RIF1: variants seen among roughly 807,000 people sequenced by gnomAD.
RIF1 encodes the protein telomere-associated protein RIF1.
In RIF1, 45 loss-of-function variants were observed where a neutral mutation model predicts 247.1. The ratio of observed to expected loss-of-function variants is 0.18; its 90% CI spans 0.14 to 0.23. The LOEUF (loss-of-function observed/expected upper bound fraction) is 0.23. RIF1 is among the 10% of genes least tolerant of loss of function. RIF1 has a pLI of 1.00. For missense variants in RIF1, 2,967 were observed against 2,862.5 expected (o/e 1.04, Z -0.83); for synonymous variants, 1,087 against 978.8 (o/e 1.11, Z -2.06).
At chr2:151,428,978 G>A in intron 9 of RIF1, 56 bp downstream of exon 9, 1 of 1,130,672 alleles carries the variant, frequency 8.8e-7, no homozygotes, top group Non-Finnish European at 1.3e-6. Context: ...CTTAAAGCAA[G>A]ATAAATGAAG....
At position 151,463,291 on chromosome 2, in the gene RIF1, T is replaced by G. The variant is rs1474704333; in HGVS notation, c.3771T>G (p.Ile1257Met). 2 of 1,612,732 alleles carry G rather than the reference T, an allele frequency of 1.2e-6. No homozygotes were observed. The highest frequency in any genetic ancestry group is 1.7e-6 in the Non-Finnish European group (2 of 1,179,680). ...VTVKNNQETM[I>M]KTDFLPKAKQ... ...TGAAAAATAACCAGGAAACCATGAT[T>G]AAAACAGATTTTCTACCAAAAGCAA... Residue 1257 changes from isoleucine (I) to methionine (M), a missense_variant, in exon 30 of 36, where the codon ATT becomes ATG. Ile to Met is a conservative substitution (Grantham distance 10). This residue lies in a region of RIF1 where 2,028 missense variants were observed against 1,825.6 expected (regional missense o/e 1.11). Transcript: ENST00000444746.
intron 24 of RIF1, among the ~76,000 whole-genome samples, 178 bp downstream of exon 24, chr2:151,458,141 C>G (rs1213765022): frequency 6.6e-6 from 1 of 150,958 alleles, no homozygotes; most frequent in African/African-American, 2.4e-5. Context: ...TTCATTGGTG[C>G]TTAGAATAAT....
chr2:151,424,126 G>A (rs188641667), intron 8 of RIF1, among the ~76,000 whole-genome samples: 4 of 152,188 alleles, frequency 2.6e-5, no homozygotes, highest in South Asian at 2.1e-4. Context: ...TCTCTGAGAC[G>A]GAGTTTCGCT....
intron 12 of RIF1, among the ~76,000 whole-genome samples, chr2:151,504,083 T>C (rs1345329857): frequency 1.3e-5 from 2 of 152,170 alleles, no homozygotes; most frequent in African/African-American, 4.8e-5. Context: ...TGCATTTTAA[T>C]GAAAACATTA....
intron 9 of RIF1, chr2:151,491,233 C>G (rs761563614): frequency 1.3e-5 from 2 of 157,786 alleles, no homozygotes; most frequent in East Asian, 3.7e-4. Context: ...GGGTCTCATT[C>G]TCTTTTCCAG....
rs2049120768 is a variant in RIF1, at chr2:151,480,486, A to G, written c.*5415A>G. 6.6e-6 allele frequency: 1 copy of G among 152,192 alleles called. No homozygotes were observed. The highest frequency in any genetic ancestry group is 1.5e-5 in the Non-Finnish European group (1 of 68,010). 9.4% of individuals were successfully genotyped at this position (152,192 alleles called of 1,614,324 possible). A position where few individuals can be genotyped will look rare whatever the true frequency, so the allele number is the denominator to read the frequency against. On this transcript the variant is annotated 3_prime_UTR_variant, in exon 36 of 36. Coordinates refer to ENST00000444746, the MANE Select transcript of RIF1 (RefSeq NM_018151.5). ...CCTGTATACTTCAGAAATAGCTGAT[A>G]GCCTATAGTCTCTGAGAGCTATTCT... is the stretch of plus-strand genomic sequence containing the variant.
rs1479361319 is a variant in RIF1 at position 151,436,931 on chromosome 2, A to G, written c.1300A>G (p.Met434Val). Residue 434 changes from methionine to valine, a missense_variant, in exon 12 of 36, where the codon ATG becomes GTG. By Grantham distance (21) the Met-to-Val change is conservative. This residue lies in a region of RIF1 where 369 missense variants were observed against 322.0 expected (regional missense o/e 1.15). Coordinates refer to ENST00000444746, the MANE Select transcript of RIF1 (RefSeq NM_018151.5). ...IPSIQLLGLE[M>V]LLHFLLGPEA... Reference sequence around the variant, plus strand: ...ATCCATTCAACTTTTGGGACTTGAAATGTTGCTTCATTTCTTGTTGGGTCC... The same window carrying G: ...ATCCATTCAACTTTTGGGACTTGAAGTGTTGCTTCATTTCTTGTTGGGTCC... The G allele has an allele frequency of 1.2e-6, 2 of 1,614,090 alleles. No homozygotes were observed. Among genetic ancestry groups the G allele is most frequent in the East Asian group, 2.2e-5 (1 of 44,874 alleles).
chr2:151,413,406 T>C lies in RIF1; in HGVS notation c.184-1417T>C, dbSNP rs117290998. ...TATTTGGATGCACATGGAAGGTTGATAATAGGACAATAAGCAATTTTAAGC... is the reference window on the plus strand; with the variant it reads ...TATTTGGATGCACATGGAAGGTTGACAATAGGACAATAAGCAATTTTAAGC... On this transcript the variant is annotated intron_variant, in intron 3 of 35. Transcript: ENST00000444746. Among the ~76,000 whole-genome samples the C allele has an allele frequency of 2.3e-3, 350 of 152,306 alleles. 9 individuals are homozygous for C. In the East Asian group the frequency reaches 0.046, roughly 20 times the overall value.
intron 21 of RIF1, 63 bp downstream of exon 21, chr2:151,451,768 A>G (rs897630227): frequency 1.1e-5 from 9 of 856,318 alleles, no homozygotes; most frequent in African/African-American, 1.0e-4. Flanking sequence ...GAACTTTGCC[A>G]GGGGAAGTCC....
chr2:151,516,101 A>G, the RIF1 span, among the ~76,000 whole-genome samples: 1 of 152,208 alleles, frequency 6.6e-6, no homozygotes, highest in Non-Finnish European at 1.5e-5. Flanking sequence ...GGGGCATTCT[A>G]CTAAGAGTAG....
chr2:151,515,280 G>A, the RIF1 span, among the ~76,000 whole-genome samples: 2,210 of 152,264 alleles, frequency 0.015, 76 homozygotes, highest in East Asian at 0.14. Context: ...GGTGACAAAA[G>A]ACTTTATTTC....
At position 151,474,847 on chromosome 2, in the gene RIF1, T is replaced by G; in HGVS notation, c.7205-10T>G. The G allele has an allele frequency of 7.0e-7, 1 of 1,426,354 alleles. No individual in the cohort carries two copies. The highest frequency in any genetic ancestry group is 9.8e-7 in the Non-Finnish European group (1 of 1,022,946). 88.4% of individuals were successfully genotyped at this position (1,426,354 alleles called of 1,614,324 possible). On this transcript the variant is annotated splice_polypyrimidine_tract_variant and intron_variant, in intron 35 of 35. Transcript: ENST00000444746. ...ATAGATTTAATTGTGGTTTTTTTTT[T>G]CTCTTTTAGATATAATTGATCCTGT...
In RIF1 at chr2:151,418,428, C is replaced by G. The variant is rs978823096; in HGVS notation, c.503+1527C>G. ...CCACGTTGGCCAGTCTGGAGTTGAA[C>G]TCCTGACCTCAGGTGGTGCACCCAC... On this transcript the variant is annotated intron_variant, in intron 6 of 35. Coordinates refer to ENST00000444746, the MANE Select transcript of RIF1 (RefSeq NM_018151.5). Among the ~76,000 whole-genome samples the G allele has an allele frequency of 2.7e-5, 4 of 150,934 alleles. No homozygotes were observed. In the Admixed American group the frequency reaches 2.7e-4, roughly 10 times the overall value.
Position 151,497,281 on chromosome 2 carries a change from A to ATTTTAT in RIF1, c.*513+1959_*513+1960insATTTTT. The ATTTTAT allele has an allele frequency of 4.0e-6, 3 of 752,376 alleles. No homozygotes were observed. The African/African-American group carries it at 5.8e-5, about 15-fold the overall frequency. The allele number at this position is 752,376 out of a possible 1,614,324, so 46.6% of individuals were successfully genotyped here. ...AAAGGCTGTCAGAGTTATCCATGTT[A>ATTTTAT]TTTTTTTTTTTCCTTTTTTGTGAGT... On this transcript the variant is annotated intron_variant and NMD_transcript_variant, in intron 10 of 13. Coordinates refer to the RIF1 transcript ENST00000454583.
At chr2:151,440,188 A>C in intron 15 of RIF1, 61 bp downstream of exon 15, 1 of 912,886 alleles carries the variant, frequency 1.1e-6, no homozygotes, top group Non-Finnish European at 1.7e-6. Context: ...AATTTTATAT[A>C]GAAGATATTT....
chr2:151,523,952 T>C, the RIF1 span, among the ~76,000 whole-genome samples: 1 of 152,326 alleles, frequency 6.6e-6, no homozygotes, highest in East Asian at 1.9e-4. Context: ...GCTCTTCATG[T>C]TAAATCTATC....
In RIF1 at chr2:151,416,798, G is replaced by T. The variant is rs749024623; in HGVS notation, c.409-9G>T. On this transcript the variant is annotated splice_polypyrimidine_tract_variant and intron_variant, in intron 5 of 35. Transcript: ENST00000444746. ...TATTTCATTTGTATTTATTTGGTTC[G>T]TTTTTTAGGTATCCAGTATAATTGA... is the stretch of plus-strand genomic sequence containing the variant. 1 of 1,605,210 alleles carries T rather than the reference G, an allele frequency of 6.2e-7. No homozygotes were observed. The highest frequency in any genetic ancestry group is 8.5e-7 in the Non-Finnish European group (1 of 1,175,452).
chr2:151,483,210 T>C (rs959005252), downstream of RIF1: 1 of 152,156 alleles, frequency 6.6e-6, no homozygotes, highest in Non-Finnish European at 1.5e-5. Context: ...TTCTTGAAGA[T>C]GGCTCTTTGC....
chr2:151,474,586 G>T (rs551341899), intron 35 of RIF1, among the ~76,000 whole-genome samples: 7 of 152,290 alleles, frequency 4.6e-5, no homozygotes, highest in African/African-American at 1.7e-4. Flanking sequence ...TGAGGCGGGA[G>T]AATGGCTTGA....
Sources: gnomAD v4.1 joint callset for allele counts (sites outside exome capture counted in the v4.1 genomes callset) on GRCh38, gnomAD v4.1.1 for gene constraint, gnomAD v4.1.1 regional missense constraint, MANE v1.5 for transcripts, NCBI Gene and HGNC (gene_info 2026-07-23, HGNC 2026-07-21) for gene names.